Variants in TLE1 observed in about 807,000 individuals in gnomAD.
TLE1 encodes TLE family member 1, transcriptional corepressor.
TLE1 carries 21 observed loss-of-function variants against 89.8 expected under a neutral mutation model. The ratio of observed to expected loss-of-function variants is 0.23; its 90% CI spans 0.17 to 0.34. TLE1 has a LOEUF of 0.34. TLE1 is among the 10% of genes least tolerant of loss of function. TLE1 has a pLI of 1.00. For synonymous variants in TLE1, 447 were observed against 407.6 expected (o/e 1.10, Z -1.16); for missense variants, 795 against 1,031.2 (o/e 0.77, Z 3.14).
intron 5 of TLE1, 23 bp from the exon 6 acceptor site, chr9:81,652,311 G>A (rs978362312): frequency 1.9e-6 from 3 of 1,608,764 alleles, no homozygotes; most frequent in Non-Finnish European, 2.6e-6. Context: ...GGAGAAGAAA[G>A]GGCATTAGCA....
In TLE1 at chr9:81,688,578, G is replaced by A. The variant is rs1834674209; in HGVS notation, c.-338C>T. The A allele has an allele frequency of 1.8e-5, 5 of 282,100 alleles. No individual in the cohort carries two copies. The South Asian group carries it at 4.4e-4, about 25-fold the overall frequency. 17.5% of individuals were successfully genotyped at this position (282,100 alleles called of 1,614,324 possible). On this transcript the variant is annotated 5_prime_UTR_variant, in exon 1 of 20. Transcript: ENST00000376499. ...GCCTCAGCTGCCCGGGCGGGGAGGC[G>A]GGGGCGCGGTGACTCCGACCGCACT...
At chr9:81,610,353 A>G (rs1823540462) in intron 13 of TLE1, 57 bp from the exon 14 acceptor site, 1 of 1,284,686 alleles carries the variant, frequency 7.8e-7, no homozygotes, top group Non-Finnish European at 1.1e-6. Flanking sequence ...CACTTTGTGA[A>G]CATCAATACT....
intron 8 of TLE1, among the ~76,000 whole-genome samples, chr9:81,629,763 T>G (rs1826341713): frequency 6.6e-6 from 1 of 152,224 alleles, no homozygotes; most frequent in Non-Finnish European, 1.5e-5. Context: ...AATGTAAGTA[T>G]TTGTGTATCT....
At chr9:81,633,303 GT>G in intron 8 of TLE1, 44 bp downstream of exon 8, 2 of 1,420,002 alleles carry the variant, frequency 1.4e-6, no homozygotes, top group Non-Finnish European at 1.9e-6. Context: ...GTGTGTGTGT[GT>G]GTGTGTGTGT....
intron 1 of TLE1, among the ~76,000 whole-genome samples, chr9:81,687,766 G>A (rs1282797976): frequency 3.9e-5 from 6 of 151,934 alleles, no homozygotes; most frequent in East Asian, 2.0e-4. Flanking sequence ...CTTCCCCCAC[G>A]GCGGCGATAA....
chr9:81,679,716 T>C (rs1833363298), intron 4 of TLE1, among the ~76,000 whole-genome samples: 1 of 152,068 alleles, frequency 6.6e-6, no homozygotes, highest in African/African-American at 2.4e-5. Flanking sequence ...GTAAAGGTAC[T>C]AGTTGTGAGA....
At chr9:81,670,728 A>T (rs74891619) in intron 4 of TLE1, among the ~76,000 whole-genome samples, 81 of 28,034 alleles carry the variant, frequency 2.9e-3, no homozygotes, top group African/African-American at 0.011. Flanking sequence ...AAAAAAAATT[A>T]AAAAAAAAAA....
Position 81,600,247 on chromosome 9 carries a change from G to A in TLE1, c.1332-6973C>T, listed in dbSNP as rs551475124. On this transcript the variant is annotated intron_variant, in intron 14 of 19. Transcript: ENST00000376499. ...AGGAACTATCACTACAGACAAAAAC[G>A]AGCATTATCCAAGCAAGAAATATAC... 10 of 581,224 alleles carry A rather than the reference G, an allele frequency of 1.7e-5. No individual in the cohort carries two copies. The Admixed American group carries it at 2.1e-4, about 12-fold the overall frequency. 36.0% of individuals were successfully genotyped at this position (581,224 alleles called of 1,614,324 possible). A position where few individuals can be genotyped will look rare whatever the true frequency, so the allele number is the denominator to read the frequency against.
At chr9:81,610,368 A>C (rs766087125) in intron 13 of TLE1, 72 bp from the exon 14 acceptor site, 1 of 1,131,558 alleles carries the variant, frequency 8.8e-7, no homozygotes, top group Non-Finnish European at 1.3e-6. Flanking sequence ...AATACTGTTC[A>C]TTAGAAACTC....
At chr9:81,656,104 G>A (rs916985115) in intron 4 of TLE1, among the ~76,000 whole-genome samples, 15 of 152,112 alleles carry the variant, frequency 9.9e-5, no homozygotes, top group Non-Finnish European at 2.1e-4. Flanking sequence ...GAGGAAGCCC[G>A]TGCATGACCT....
intron 17 of TLE1, among the ~76,000 whole-genome samples, chr9:81,587,197 CTG>C (rs908663941): frequency 4.6e-5 from 7 of 152,292 alleles, no homozygotes; most frequent in East Asian, 1.9e-4. Flanking sequence ...ACTGAGGTAT[CTG>C]TGCATTTTTT....
chr9:81,671,257 T>C (rs1194095867), intron 4 of TLE1, among the ~76,000 whole-genome samples: 1 of 152,142 alleles, frequency 6.6e-6, no homozygotes, highest in East Asian at 1.9e-4. Context: ...CAAATGCCTG[T>C]AATCCCAGCA....
At chr9:81,676,953 T>C (rs1465947091) in intron 4 of TLE1, among the ~76,000 whole-genome samples, 3 of 152,186 alleles carry the variant, frequency 2.0e-5, no homozygotes, top group Admixed American at 6.5e-5. Context: ...ACTTACAAAT[T>C]TGGCCGGGCA....
chr9:81,683,775 A>G (rs1833912626), intron 4 of TLE1, among the ~76,000 whole-genome samples: 1 of 152,162 alleles, frequency 6.6e-6, no homozygotes. Context: ...TATACACAGC[A>G]TATTATTAAT....
At chr9:81,652,547 A>C (rs2132633373) in intron 5 of TLE1, among the ~76,000 whole-genome samples, 1 of 152,222 alleles carries the variant, frequency 6.6e-6, no homozygotes, top group East Asian at 1.9e-4. Flanking sequence ...GAAAACAAAA[A>C]AGGACATAAA....
chr9:81,587,551 A>C, intron 17 of TLE1, 130 bp downstream of exon 17: 2 of 1,243,538 alleles, frequency 1.6e-6, no homozygotes, highest in South Asian at 3.7e-5. Context: ...TAAATTAGTT[A>C]TCTCAAATTC....
chr9:81,684,421 T>C (rs1834003667), intron 4 of TLE1, among the ~76,000 whole-genome samples: 1 of 152,202 alleles, frequency 6.6e-6, no homozygotes, highest in African/African-American at 2.4e-5. Context: ...ACAATCTCTT[T>C]CCAAACACAA....
At chr9:81,647,965 CA>C (rs1264592869) in intron 6 of TLE1, among the ~76,000 whole-genome samples, 5 of 152,038 alleles carry the variant, frequency 3.3e-5, no homozygotes, top group African/African-American at 1.2e-4. Flanking sequence ...TTTAACTTTT[CA>C]GTTAAAAAAA....
chr9:81,623,800 T>G (rs1279490687), intron 8 of TLE1, among the ~76,000 whole-genome samples: 2 of 151,436 alleles, frequency 1.3e-5, no homozygotes, highest in African/African-American at 4.9e-5. Flanking sequence ...AAAAAAATAA[T>G]AAAATGAAAA....
Sources: gnomAD v4.1 joint callset for allele counts (sites outside exome capture counted in the v4.1 genomes callset) on GRCh38, gnomAD v4.1.1 for gene constraint, MANE v1.5 for transcripts, NCBI Gene and HGNC (gene_info 2026-07-23, HGNC 2026-07-21) for gene names.